ZBED6: variants seen among roughly 807,000 people sequenced by gnomAD.
The protein encoded by ZBED6 is zinc finger BED domain-containing protein 6.
In ZBED6, 40 loss-of-function variants were observed where a neutral mutation model predicts 58.4. The ratio of observed to expected loss-of-function variants is 0.68; its 90% confidence interval spans 0.53 to 0.89. The LOEUF (loss-of-function observed/expected upper bound fraction) is 0.89, where lower values mean the gene tolerates loss of function less well. Ranked by LOEUF, ZBED6 falls within the 40% of genes least tolerant of loss-of-function variation. ZBED6 has a pLI of 0.00. For synonymous variants in ZBED6, 439 were observed against 350.6 expected, an observed-to-expected ratio of 1.25 and a Z score of -2.82; for missense variants, 1,057 against 1,003.9, an observed-to-expected ratio of 1.05 and a Z score of -0.71.
chr1:203,824,554 G>C (rs150977825), intron 3 of ZBED6, among the ~76,000 whole-genome samples: 1 of 152,224 alleles, frequency 6.6e-6, no homozygotes, highest in East Asian at 1.9e-4. Flanking sequence ...CAAAAAATTT[G>C]AGTCATCTGA....
chr1:203,830,704 G>C (rs895407842), intron 7 of ZBED6, among the ~76,000 whole-genome samples: 3 of 151,986 alleles, frequency 2.0e-5, no homozygotes, highest in Non-Finnish European at 4.4e-5. Flanking sequence ...AGCTACTCGG[G>C]AGGCTGAGGC....
chr1:203,814,916 A>T (rs1675756744), intron 1 of ZBED6: 1 of 151,496 alleles, frequency 6.6e-6, no homozygotes, highest in Non-Finnish European at 1.5e-5. Flanking sequence ...TGCAACCTCC[A>T]CCTCCCGGGT....
At chr1:203,830,428 T>G (rs1024979252) in intron 7 of ZBED6, among the ~76,000 whole-genome samples, 2 of 152,234 alleles carry the variant, frequency 1.3e-5, no homozygotes, top group African/African-American at 4.8e-5. Flanking sequence ...TGAAAGAACT[T>G]GTATATCTTG....
exon 1 of ZBED6, chr1:203,801,817 AT>A (rs34997581): frequency 0.54 from 80,691 of 148,902 alleles, 21,948 homozygotes; most frequent in African/African-American, 0.62. Context: ...TTTGGTTTTG[AT>A]TTTTTTTTTT....
intron 7 of ZBED6, among the ~76,000 whole-genome samples, chr1:203,830,994 G>A (rs945934357): frequency 7.8e-6 from 1 of 128,012 alleles, no homozygotes; most frequent in South Asian, 2.5e-4. Context: ...TTGCCAGGCT[G>A]GAGTGCAATG....
chr1:203,852,655 C>A, exon 17 of ZBED6: 1 of 482,016 alleles, frequency 2.1e-6, no homozygotes, highest in Non-Finnish European at 3.7e-6. Flanking sequence ...CCCTTCTCTC[C>A]ACAAAAAAGA....
At chr1:203,828,797 T>A (rs1436819196) in intron 4 of ZBED6, among the ~76,000 whole-genome samples, 1 of 152,230 alleles carries the variant, frequency 6.6e-6, no homozygotes, top group Non-Finnish European at 1.5e-5. Flanking sequence ...TTTTCTATTA[T>A]CAGTTTTGTG....
At chr1:203,797,304 G>T in exon 1 of ZBED6, 1 of 384,998 alleles carries the variant, frequency 2.6e-6, no homozygotes, top group Non-Finnish European at 4.6e-6. Flanking sequence ...AATTGGAAGG[G>T]ACCTTAAAGC....
chr1:203,826,312 T>A (rs1421597189), intron 3 of ZBED6, among the ~76,000 whole-genome samples: 1 of 151,582 alleles, frequency 6.6e-6, no homozygotes, highest in African/African-American at 2.4e-5. Context: ...CCTATACTTT[T>A]AAAAAATATT....
chr1:203,809,165 TCTCA>T (rs1673404261), intron 1 of ZBED6, among the ~76,000 whole-genome samples: 1 of 139,288 alleles, frequency 7.2e-6, no homozygotes, highest in African/African-American at 2.6e-5. Context: ...TTTGTTTTCT[TCTCA>T]CTGTTTTTTT....
intron 3 of ZBED6, among the ~76,000 whole-genome samples, chr1:203,826,939 A>C (rs1218242487): frequency 6.6e-6 from 1 of 152,118 alleles, no homozygotes; most frequent in Non-Finnish European, 1.5e-5. Flanking sequence ...TATTAGCAGT[A>C]ATCTATCTTC....
chr1:203,830,903 T>G (rs1466545342), intron 7 of ZBED6, among the ~76,000 whole-genome samples: 1 of 151,294 alleles, frequency 6.6e-6, no homozygotes, highest in Non-Finnish European at 1.5e-5. Flanking sequence ...TCAGCCTGAT[T>G]GCTCTGTATT....
chr1:203,809,573 C>T (rs1486372469), intron 1 of ZBED6, among the ~76,000 whole-genome samples: 2 of 152,080 alleles, frequency 1.3e-5, no homozygotes, highest in East Asian at 3.9e-4. Context: ...TGTCCTTTTT[C>T]CTACATTAAC....
chr1:203,805,435 T>G (rs1374905260), intron 1 of ZBED6, among the ~76,000 whole-genome samples: 2 of 152,072 alleles, frequency 1.3e-5, no homozygotes, highest in Non-Finnish European at 2.9e-5. Flanking sequence ...CCTGCCAGAA[T>G]CAAGTTTTAG....
At chr1:203,841,201 G>C (rs1404572090) in intron 11 of ZBED6, among the ~76,000 whole-genome samples, 1 of 150,684 alleles carries the variant, frequency 6.6e-6, no homozygotes, top group East Asian at 1.9e-4. Flanking sequence ...GTGTTTCTCG[G>C]AGAGGGGGAT....
At chr1:203,800,012 C>T (rs1167044460) in exon 1 of ZBED6, 1 of 1,536,074 alleles carries the variant, frequency 6.5e-7, no homozygotes, top group East Asian at 2.4e-5. Context: ...ATTCATTTAC[C>T]TCATCTCTAA....
At chr1:203,821,877 T>C (rs12030493) in intron 3 of ZBED6, among the ~76,000 whole-genome samples, 6,949 of 151,936 alleles carry the variant, frequency 0.046, 511 homozygotes, top group East Asian at 0.36. Flanking sequence ...CCTGTTTCAG[T>C]CTCCCGAGTA....
At chr1:203,843,926 C>T (rs558246038) in intron 11 of ZBED6, among the ~76,000 whole-genome samples, 16 of 151,834 alleles carry the variant, frequency 1.1e-4, no homozygotes, top group Non-Finnish European at 1.9e-4. Flanking sequence ...GGTGCGATCT[C>T]GGCTCACTGC....
intron 1 of ZBED6, among the ~76,000 whole-genome samples, chr1:203,809,600 G>C (rs1246997250): frequency 1.3e-5 from 2 of 152,134 alleles, no homozygotes. Flanking sequence ...AGAGTGGGTT[G>C]AGAAAGGTCC....
Sources: allele counts gnomAD v4.1 joint callset (sites outside exome capture counted in the v4.1 genomes callset), GRCh38; gene constraint gnomAD v4.1.1; transcripts MANE v1.5; gene names NCBI Gene and HGNC (gene_info 2026-07-23, HGNC 2026-07-21).